GRIP1: variants seen among roughly 807,000 people sequenced by gnomAD.
GRIP1 encodes the protein glutamate receptor interacting protein 1.
A neutral mutation model predicts 129.9 loss-of-function variants in GRIP1; 45 were observed. The observed-to-expected ratio is 0.35, with a 90% CI of 0.27 to 0.44. GRIP1 has a LOEUF of 0.44. Ranked by LOEUF, GRIP1 falls within the 20% of genes least tolerant of loss-of-function variation. The pLI, the probability that GRIP1 is intolerant of heterozygous loss-of-function variation, is 1.00. For synonymous variants in GRIP1, 530 were observed against 520.8 expected (o/e 1.02, Z -0.24); for missense variants, 1,196 against 1,396.8 (o/e 0.86, Z 2.29).
intron 9 of GRIP1, among the ~76,000 whole-genome samples, 163 bp from the exon 10 acceptor site, chr12:66,456,505 G>A (rs980943183): frequency 6.6e-6 from 1 of 152,038 alleles, no homozygotes; most frequent in African/African-American, 2.4e-5. Flanking sequence ...TTTCTCAGTG[G>A]TCAGCAAAAT....
chr12:67,056,654 C>G (rs1157025797), intron 1 of GRIP1, among the ~76,000 whole-genome samples: 2 of 152,138 alleles, frequency 1.3e-5, no homozygotes, highest in African/African-American at 2.4e-5. Context: ...GAAAACTCTC[C>G]CCCAAAATTT....
At chr12:66,721,274 T>G (rs2036048841) in intron 1 of GRIP1, among the ~76,000 whole-genome samples, 1 of 152,104 alleles carries the variant, frequency 6.6e-6, no homozygotes, top group Non-Finnish European at 1.5e-5. Context: ...AGATTTAGCA[T>G]AATTCTTTCT....
rs59263648 is a variant in GRIP1 at position 66,383,299 on chromosome 12, AAACAACAAC to A, written c.2465-3872_2465-3864del. Among the ~76,000 whole-genome samples, 775 of 141,410 alleles carry A rather than the reference AAACAACAAC, an allele frequency of 5.5e-3. 7 individuals are homozygous for A. Among genetic ancestry groups the A allele is most frequent in the African/African-American group, 0.017 (648 of 38,178 alleles). The allele number at this position is 141,410 out of a possible 152,430, so 92.8% of individuals were successfully genotyped here. On this transcript the variant is annotated intron_variant, in intron 19 of 24. Coordinates refer to ENST00000359742, the MANE Select transcript of GRIP1 (RefSeq NM_001366722.1). ...GCGACAGAGCGACACTCTGTCTCAA[AAACAACAAC>A]AACAACAACAACAACAACAACAACA...
At chr12:66,641,559 A>G (rs1418966909) in intron 1 of GRIP1, among the ~76,000 whole-genome samples, 1 of 152,248 alleles carries the variant, frequency 6.6e-6, no homozygotes, top group Non-Finnish European at 1.5e-5. Flanking sequence ...GAAAATGAGC[A>G]AAAGCTATTC....
At chr12:66,596,593 A>C (rs1032816162) in intron 2 of GRIP1, among the ~76,000 whole-genome samples, 5 of 152,232 alleles carry the variant, frequency 3.3e-5, no homozygotes, top group African/African-American at 4.8e-5. Context: ...GAGTTGATAC[A>C]AATTCAAGTC....
At chr12:66,804,687 C>T (rs571023680), upstream of GRIP1, among the ~76,000 whole-genome samples, 1 of 152,304 alleles carries the variant, frequency 6.6e-6, no homozygotes, top group Admixed American at 6.5e-5. Flanking sequence ...AAGTTAGAGA[C>T]TGAACTGACT....
chr12:66,499,194 C>T (rs756021674), intron 7 of GRIP1, among the ~76,000 whole-genome samples: 1 of 152,142 alleles, frequency 6.6e-6, no homozygotes. Context: ...GTGAACTGAC[C>T]TATCACTGTG....
At chr12:66,420,544 G>T (rs1314846939) in intron 15 of GRIP1, among the ~76,000 whole-genome samples, 176 bp downstream of exon 15, 1 of 151,702 alleles carries the variant, frequency 6.6e-6, no homozygotes, top group East Asian at 1.9e-4. Context: ...AGCAGGAAGA[G>T]ATCTATGGAG....
chr12:66,856,203 C>A (rs1250439845), intron 1 of GRIP1, among the ~76,000 whole-genome samples: 1 of 152,022 alleles, frequency 6.6e-6, no homozygotes, highest in African/African-American at 2.4e-5. Flanking sequence ...CTTCCTTACA[C>A]CTTATACAAA....
intron 1 of GRIP1, among the ~76,000 whole-genome samples, chr12:66,684,563 G>A (rs1348444270): frequency 6.6e-5 from 10 of 152,154 alleles, no homozygotes; most frequent in Non-Finnish European, 1.3e-4. Flanking sequence ...CCCTTCCCCT[G>A]GCGGGGGACG....
At chr12:66,487,855 T>C (rs963743780) in intron 7 of GRIP1, among the ~76,000 whole-genome samples, 1 of 150,994 alleles carries the variant, frequency 6.6e-6, no homozygotes, top group African/African-American at 2.5e-5. Context: ...CAAAACAGAC[T>C]TTAAACCAAC....
chr12:66,839,836 C>T (rs955700341), intron 1 of GRIP1, among the ~76,000 whole-genome samples: 1 of 152,184 alleles, frequency 6.6e-6, no homozygotes, highest in Non-Finnish European at 1.5e-5. Flanking sequence ...CTAAGCGCTT[C>T]AGATTAACAG....
At chr12:67,060,071 G>A (rs1344282181) in intron 1 of GRIP1, among the ~76,000 whole-genome samples, 3 of 152,226 alleles carry the variant, frequency 2.0e-5, no homozygotes, top group East Asian at 1.9e-4. Context: ...ATTACAAAGA[G>A]TGTAAGAAGA....
intron 13 of GRIP1, 101 bp from the exon 14 acceptor site, chr12:66,432,729 G>T: frequency 1.5e-6 from 1 of 669,284 alleles, no homozygotes; most frequent in South Asian, 1.6e-5. Context: ...ATCATATGTA[G>T]CTAAAACTGT....
At chr12:67,028,155 C>T (rs1420304257) in intron 1 of GRIP1, among the ~76,000 whole-genome samples, 1 of 152,150 alleles carries the variant, frequency 6.6e-6, no homozygotes, top group Non-Finnish European at 1.5e-5. Flanking sequence ...TGAGGAACCC[C>T]TATCCAAAAT....
chr12:67,058,300 G>A (rs1343823181), intron 1 of GRIP1, among the ~76,000 whole-genome samples: 1 of 152,030 alleles, frequency 6.6e-6, no homozygotes, highest in Non-Finnish European at 1.5e-5. Flanking sequence ...ATAAATCCTA[G>A]TAATTTGTGA....
chr12:66,477,214 A>G (rs559105023), intron 7 of GRIP1, among the ~76,000 whole-genome samples: 1 of 152,334 alleles, frequency 6.6e-6, no homozygotes, highest in African/African-American at 2.4e-5. Context: ...AAAAATCACA[A>G]GCATTCCTCT....
intron 7 of GRIP1, among the ~76,000 whole-genome samples, chr12:66,513,964 G>T (rs1463688886): frequency 6.6e-6 from 1 of 152,108 alleles, no homozygotes; most frequent in Non-Finnish European, 1.5e-5. Context: ...TCTTCAGTCT[G>T]GGAGCTGGTT....
At chr12:66,682,078 C>A (rs1052681557), upstream of GRIP1, among the ~76,000 whole-genome samples, 1 of 152,132 alleles carries the variant, frequency 6.6e-6, no homozygotes, top group African/African-American at 2.4e-5. Context: ...TAGCTTCTCA[C>A]CCCTGGCTAA....
Sources: gnomAD v4.1 joint callset for allele counts (sites outside exome capture counted in the v4.1 genomes callset) on GRCh38, gnomAD v4.1.1 for gene constraint, MANE v1.5 for transcripts, NCBI Gene and HGNC (gene_info 2026-07-23, HGNC 2026-07-21) for gene names.